The following ABLIM2 variants were observed in gnomAD, a reference collection of about 807,000 sequenced individuals.
ABLIM2 encodes the protein actin binding LIM protein family member 2, also known as actin-binding LIM protein 2.
A neutral mutation model predicts 97.7 loss-of-function variants in ABLIM2; 53 were observed. The ratio of observed to expected loss-of-function variants is 0.54; its 90% CI spans 0.44 to 0.68. ABLIM2 has a LOEUF of 0.68. ABLIM2 is among the 30% of genes least tolerant of loss of function. The pLI is 0.00. For missense variants in ABLIM2, 835 were observed against 867.2 expected, an observed-to-expected ratio of 0.96 and a Z score of 0.47; for synonymous variants, 361 against 345.8, an observed-to-expected ratio of 1.04 and a Z score of -0.49.
rs111390676 is a variant in ABLIM2 at position 8,004,574 on chromosome 4, C to T, written c.1618+3485G>A. 1.5e-3 allele frequency among the ~76,000 whole-genome samples: 232 copies of T among 152,156 alleles called. 1 individual carries two copies. Among genetic ancestry groups the T allele is most frequent in the Non-Finnish European group, 2.9e-3 (197 of 68,008 alleles). Reference sequence around the variant, plus strand: ...ACGCCTCTGACCTTCGAGGGTGGGACGTGAGAGACCTCAAAAGAGAGGATG... The same window carrying T: ...ACGCCTCTGACCTTCGAGGGTGGGATGTGAGAGACCTCAAAAGAGAGGATG... On this transcript the variant is annotated intron_variant, in intron 16 of 20. Coordinates refer to ENST00000447017, the MANE Select transcript of ABLIM2 (RefSeq NM_001130083.2). The surrounding 1 kb of genome is among the most constrained non-coding windows in gnomAD (Gnocchi z 5.9).
At chr4:8,101,887 C>A (rs1834835637) in intron 2 of ABLIM2, among the ~76,000 whole-genome samples, 1 of 152,198 alleles carries the variant, frequency 6.6e-6, no homozygotes, top group African/African-American at 2.4e-5. Context: ...TGCATGTATT[C>A]CCATTTGTAG....
Position 8,046,942 on chromosome 4 carries a change from T to C in ABLIM2, c.823-1701A>G, listed in dbSNP as rs1792871053. ...ACCCCGTGATCTTGGCCTTTTGGGCTCCAGAGCTGTGGGAAGGTGGGTTTC... is the reference window on the plus strand; with the variant it reads ...ACCCCGTGATCTTGGCCTTTTGGGCCCCAGAGCTGTGGGAAGGTGGGTTTC... On this transcript the variant is annotated intron_variant, in intron 8 of 20. Transcript: ENST00000447017. This position sits in a 1 kb window ranked among gnomAD's most constrained non-coding sequence, Gnocchi z 4.4. Among the ~76,000 whole-genome samples the C allele has an allele frequency of 6.6e-6, 1 of 152,108 alleles. No individual in the cohort carries two copies. The highest frequency in any genetic ancestry group is 2.4e-5 in the African/African-American group (1 of 41,450).
intron 3 of ABLIM2, among the ~76,000 whole-genome samples, chr4:8,094,504 C>G (rs146240838): frequency 4.6e-5 from 7 of 152,108 alleles, no homozygotes; most frequent in Non-Finnish European, 8.8e-5. Flanking sequence ...GCAGGGTATA[C>G]GTGACTGGGG....
Position 7,998,749 on chromosome 4 carries a change from C to T in ABLIM2, c.1619-5822G>A. 1 of 463,180 alleles carries T rather than the reference C, an allele frequency of 2.2e-6. No individual in the cohort carries two copies. The highest frequency in any genetic ancestry group is 2.3e-5 in the Admixed American group (1 of 43,760). The allele number at this position is 463,180 out of a possible 1,614,324, so 28.7% of individuals were successfully genotyped here. ...AGGCTGGGAGTCTGCTGGCCTGGGC[C>T]ACCTCCTGCTGCTGGGTGGGGGTGG... On this transcript the variant is annotated intron_variant, in intron 16 of 20. Transcript: ENST00000447017. This position sits in a 1 kb window ranked among gnomAD's most constrained non-coding sequence, Gnocchi z 6.4.
At position 8,151,187 on chromosome 4, in the gene ABLIM2, G is replaced by T. The variant is rs1318314840; in HGVS notation, c.10+7493C>A. 2.0e-5 allele frequency among the ~76,000 whole-genome samples: 3 copies of T among 152,318 alleles called. No homozygotes were observed. The East Asian group carries it at 5.8e-4, about 29-fold the overall frequency. On this transcript the variant is annotated intron_variant, in intron 1 of 20. Coordinates refer to ENST00000447017, the MANE Select transcript of ABLIM2 (RefSeq NM_001130083.2). The stretch of plus-strand genomic sequence containing the variant: ...AGGTGTGCCCAGCCCCAAAGCCAGT[G>T]CATCTTCTGAGGCACCCAGACTGGC...
chr4:7,983,289 T>A lies in ABLIM2; in HGVS notation c.1799A>T (p.Lys600Ile), dbSNP rs1295811315. 2 of 1,611,930 alleles carry A rather than the reference T, an allele frequency of 1.2e-6. No homozygotes were observed. The highest frequency in any genetic ancestry group is 3.3e-5 in the Admixed American group (2 of 59,794). The change falls in exon 20 of 21, where the codon AAA (lysine) becomes ATA (isoleucine). Residue 600 changes from lysine to isoleucine, a missense_variant. Transcript: ENST00000447017. ...CTCCAGTCTCGTCCGGTCCACGTCTTTGGGCAGTTTCACGCGAATTCGGTT... is the reference window on the plus strand; with the variant it reads ...CTCCAGTCTCGTCCGGTCCACGTCTATGGGCAGTTTCACGCGAATTCGGTT... ...VTNRIRVKLP[K>I]DVDRTRLERH...
intron 1 of ABLIM2, among the ~76,000 whole-genome samples, chr4:8,138,082 G>A (rs546965430): frequency 4.4e-4 from 67 of 152,200 alleles, no homozygotes; most frequent in Non-Finnish European, 9.3e-4. Context: ...AAATAGTGCA[G>A]GATTCCACTG....
At chr4:8,066,555 G>C (rs1807900141) in intron 6 of ABLIM2, 2 of 152,206 alleles carry the variant, frequency 1.3e-5, no homozygotes, top group African/African-American at 4.8e-5. Flanking sequence ...TCTATGCCAG[G>C]GAGTATTATT....
At chr4:7,983,587 G>C in intron 18 of ABLIM2, 33 bp from the exon 19 acceptor site, 2 of 1,611,046 alleles carry the variant, frequency 1.2e-6, no homozygotes, top group Non-Finnish European at 1.7e-6. Context: ...ACCACGAAAT[G>C]GTTTAGAAAG....
rs1265207101 is a variant in ABLIM2 at position 7,970,802 on chromosome 4, C to T, written c.1825-3699G>A. Among the ~76,000 whole-genome samples the T allele has an allele frequency of 6.6e-6, 1 of 151,916 alleles. No individual in the cohort carries two copies. Among genetic ancestry groups the T allele is most frequent in the Non-Finnish European group, 1.5e-5 (1 of 67,954 alleles). ...ATCACCAGAGGCCCTGGGGAGCAGC[C>T]TGGTTGGGCAGACCACAGCAACAGG... On this transcript the variant is annotated intron_variant, in intron 20 of 20. Coordinates refer to ENST00000447017, the MANE Select transcript of ABLIM2 (RefSeq NM_001130083.2). This position sits in a 1 kb window ranked among gnomAD's most constrained non-coding sequence, Gnocchi z 5.3.
At chr4:8,070,970 C>T (rs1030699241) in intron 6 of ABLIM2, among the ~76,000 whole-genome samples, 2 of 152,174 alleles carry the variant, frequency 1.3e-5, no homozygotes, top group African/African-American at 4.8e-5. Flanking sequence ...CAGGCACCCC[C>T]ACTCCCGCCC....
chr4:8,118,871 G>A (rs1293957730), intron 1 of ABLIM2, among the ~76,000 whole-genome samples: 1 of 152,216 alleles, frequency 6.6e-6, no homozygotes, highest in Admixed American at 6.5e-5. Flanking sequence ...CTCTGCACTG[G>A]AGGCTTCAGG....
chr4:8,007,256 C>T lies in ABLIM2; in HGVS notation c.1618+803G>A, dbSNP rs568147960. ...CCAGTTCCAGTCTCCTAACACCTGG[C>T]GCCCATCACACGACGGGTCAGTGGT... is the stretch of plus-strand genomic sequence containing the variant. On this transcript the variant is annotated intron_variant, in intron 16 of 20. Transcript: ENST00000447017. 48 of 985,406 alleles carry T rather than the reference C, an allele frequency of 4.9e-5. No homozygotes were observed. The South Asian group carries it at 1.2e-3, about 25-fold the overall frequency. The allele number at this position is 985,406 out of a possible 1,614,324, so 61.0% of individuals were successfully genotyped here.
intron 14 of ABLIM2, among the ~76,000 whole-genome samples, chr4:8,017,390 C>T (rs1770176954): frequency 6.6e-6 from 1 of 151,854 alleles, no homozygotes; most frequent in Admixed American, 6.6e-5. Context: ...GGGTTCAAGC[C>T]ATTCTCCTGC....
At chr4:8,008,510 C>T (rs986205404) in intron 15 of ABLIM2, among the ~76,000 whole-genome samples, 2 of 152,214 alleles carry the variant, frequency 1.3e-5, no homozygotes, top group African/African-American at 4.8e-5. Flanking sequence ...GGCTGCTGCC[C>T]AAGTCCAGCC....
At chr4:8,029,606 A>AAAT in intron 11 of ABLIM2, 50 bp downstream of exon 11, 1 of 1,317,620 alleles carries the variant, frequency 7.6e-7, no homozygotes, top group Non-Finnish European at 9.8e-7. Context: ...AAAAAAAAAA[A>AAAT]GGAAAAGGAC....
intron 16 of ABLIM2, chr4:7,994,016 T>C (rs1489254027): frequency 2.1e-6 from 1 of 476,910 alleles, no homozygotes; most frequent in African/African-American, 2.0e-5. Flanking sequence ...GGTTGCATTC[T>C]GGAAAGGAAG....
chr4:8,142,424 G>A (rs16841849), intron 1 of ABLIM2, among the ~76,000 whole-genome samples: 27,078 of 152,072 alleles, frequency 0.18, 2,589 homozygotes, highest in Middle Eastern at 0.25. Context: ...CTCCACCTTC[G>A]GGCACAGAGG....
intron 19 of ABLIM2, 32 bp downstream of exon 19, chr4:7,983,515 A>G (rs776417134): frequency 6.2e-7 from 1 of 1,612,668 alleles, no homozygotes; most frequent in Non-Finnish European, 8.5e-7. Context: ...GTGGCGCGGC[A>G]CGGAGGTCAG....
Sources: gnomAD v4.1 joint callset for allele counts (sites outside exome capture counted in the v4.1 genomes callset) on GRCh38, gnomAD v4.1.1 for gene constraint, Gnocchi (gnomAD v3.1) non-coding constraint, MANE v1.5 for transcripts, NCBI Gene and HGNC (gene_info 2026-07-23, HGNC 2026-07-21) for gene names.